The following CHSY3 variants were observed in gnomAD, a reference collection of about 807,000 sequenced individuals.
CHSY3 encodes the protein N-acetylgalactosaminyl-proteoglycan 3-beta-glucuronosyltransferase 3.
CHSY3 carries 35 observed loss-of-function variants against 67.2 expected under a neutral mutation model. That is an observed-to-expected ratio of 0.52 (90% CI 0.40 to 0.69). The LOEUF (loss-of-function observed/expected upper bound fraction) is 0.69, where lower values mean the gene tolerates loss of function less well. Ranked by LOEUF, CHSY3 falls within the 30% of genes least tolerant of loss-of-function variation. CHSY3 has a pLI of 0.00. For synonymous variants in CHSY3, 474 were observed against 434.7 expected, an observed-to-expected ratio of 1.09 and a Z score of -1.12; for missense variants, 1,069 against 1,138.5, an observed-to-expected ratio of 0.94 and a Z score of 0.88.
chr5:129,999,500 G>A (rs762491178), intron 2 of CHSY3, among the ~76,000 whole-genome samples: 5 of 152,030 alleles, frequency 3.3e-5, no homozygotes, highest in Non-Finnish European at 7.4e-5. Flanking sequence ...CCTAAGAAAT[G>A]CAATGATTAC....
rs1231503297 is a variant in CHSY3 at position 130,087,764 on chromosome 5, A to T, written c.1087-96465A>T. 3.3e-5 allele frequency among the ~76,000 whole-genome samples: 5 copies of T among 152,070 alleles called. No homozygotes were observed. The South Asian group carries it at 1.0e-3, about 32-fold the overall frequency. On this transcript the variant is annotated intron_variant, in intron 2 of 2. Coordinates refer to ENST00000305031, the MANE Select transcript of CHSY3 (RefSeq NM_175856.5). ...CATTCCATGCTCATGGGTAGGAAAAATCAATATCATGAAAATGGCCATACC... is the reference window on the plus strand; with the variant it reads ...CATTCCATGCTCATGGGTAGGAAAATTCAATATCATGAAAATGGCCATACC...
intron 2 of CHSY3, among the ~76,000 whole-genome samples, chr5:130,020,457 ATATATTTTT>A (rs1395852364): frequency 4.4e-3 from 24 of 5,508 alleles, no homozygotes; most frequent in Admixed American, 0.01. Context: ...ATATATATAT[ATATATTTTT>A]TTTTTTTTTT....
At chr5:130,062,536 C>G (rs1765748393) in intron 2 of CHSY3, among the ~76,000 whole-genome samples, 1 of 151,996 alleles carries the variant, frequency 6.6e-6, no homozygotes. Context: ...CACATGTACC[C>G]CCTGAATATA....
At chr5:130,051,990 A>G (rs1765374311) in intron 2 of CHSY3, 1 of 151,890 alleles carries the variant, frequency 6.6e-6, no homozygotes, top group South Asian at 2.1e-4. Context: ...GGAATGTACT[A>G]AAATGATTAG....
At chr5:130,097,798 TG>T (rs1336046240) in intron 2 of CHSY3, among the ~76,000 whole-genome samples, 1 of 152,046 alleles carries the variant, frequency 6.6e-6, no homozygotes, top group Non-Finnish European at 1.5e-5. Flanking sequence ...GGTCAGGAAA[TG>T]GTAGCCATCC....
At chr5:130,086,947 A>G (rs1473438611) in intron 2 of CHSY3, among the ~76,000 whole-genome samples, 3 of 152,302 alleles carry the variant, frequency 2.0e-5, no homozygotes, top group Non-Finnish European at 4.4e-5. Context: ...TCCTTGATGA[A>G]CAGTGATGCA....
At chr5:129,986,256 A>T (rs1244857498) in intron 2 of CHSY3, among the ~76,000 whole-genome samples, 2 of 152,174 alleles carry the variant, frequency 1.3e-5, no homozygotes, top group African/African-American at 2.4e-5. Flanking sequence ...AATTTTAGCT[A>T]AAGCCTTTTC....
rs1400126482 is a variant in CHSY3 at position 130,186,075 on chromosome 5, T to A, written c.*284T>A. Reference sequence around the variant, plus strand: ...AGTTAAATCATAGCAATCAAATGACTTTTGAAACGCATTCATCACAAGAGA... The same window carrying A: ...AGTTAAATCATAGCAATCAAATGACATTTGAAACGCATTCATCACAAGAGA... On this transcript the variant is annotated 3_prime_UTR_variant, in exon 3 of 3. Transcript: ENST00000305031. The A allele has an allele frequency of 5.7e-6, 1 of 176,682 alleles. No homozygotes were observed. The highest frequency in any genetic ancestry group is 2.4e-5 in the African/African-American group (1 of 42,482). The allele number at this position is 176,682 out of a possible 1,614,324, so 10.9% of individuals were successfully genotyped here.
intron 2 of CHSY3, among the ~76,000 whole-genome samples, chr5:129,908,754 T>G (rs760310910): frequency 6.6e-6 from 1 of 152,186 alleles, no homozygotes; most frequent in Non-Finnish European, 1.5e-5. Flanking sequence ...TTATTTTATT[T>G]TATTTTGGTT....
chr5:130,041,354 G>A (rs1000140), intron 2 of CHSY3, among the ~76,000 whole-genome samples: 81,651 of 151,892 alleles, frequency 0.54, 22,357 homozygotes, highest in East Asian at 0.67. Flanking sequence ...CCAAGAGAGT[G>A]CTAACTCAGT....
At chr5:130,157,607 C>G (rs1270639479) in intron 2 of CHSY3, among the ~76,000 whole-genome samples, 1 of 152,190 alleles carries the variant, frequency 6.6e-6, no homozygotes, top group Non-Finnish European at 1.5e-5. Context: ...GTCAACCGAA[C>G]AGAGAGGCAC....
intron 2 of CHSY3, among the ~76,000 whole-genome samples, chr5:130,087,775 G>A (rs1483705980): frequency 6.6e-6 from 1 of 151,730 alleles, no homozygotes; most frequent in Non-Finnish European, 1.5e-5. Flanking sequence ...TCAATATCAT[G>A]AAAATGGCCA....
At chr5:129,912,672 C>T (rs1760605431) in intron 2 of CHSY3, among the ~76,000 whole-genome samples, 1 of 152,122 alleles carries the variant, frequency 6.6e-6, no homozygotes, top group Non-Finnish European at 1.5e-5. Flanking sequence ...TAGGCCAATC[C>T]AGATATCTTA....
At chr5:129,919,306 A>G (rs939858479) in intron 2 of CHSY3, among the ~76,000 whole-genome samples, 2 of 152,190 alleles carry the variant, frequency 1.3e-5, no homozygotes, top group African/African-American at 4.8e-5. Flanking sequence ...ATGCTGGGAT[A>G]AATGTGCAAA....
At position 129,908,263 on chromosome 5, in the gene CHSY3, G is replaced by T. The variant is rs371776468; in HGVS notation, c.989G>T (p.Gly330Val). 85 of 1,614,030 alleles carry T rather than the reference G, an allele frequency of 5.3e-5. No individual in the cohort carries two copies. The Admixed American group carries it at 1.0e-3, about 20-fold the overall frequency. The stretch of plus-strand genomic sequence containing the variant: ...CTCAGGAGGATGGTGCCACATATTG[G>T]TGAATGCCTTAGAGAAATGTACACG... ...EVLRRMVPHI[G>V]ECLREMYTTH... Residue 330 changes from glycine to valine, a missense_variant, in exon 2 of 3, where the codon GGT (glycine) becomes GTT (valine). Coordinates refer to ENST00000305031, the MANE Select transcript of CHSY3 (RefSeq NM_175856.5).
At chr5:130,099,894 A>T (rs1767171949) in intron 2 of CHSY3, among the ~76,000 whole-genome samples, 1 of 152,156 alleles carries the variant, frequency 6.6e-6, no homozygotes, top group Non-Finnish European at 1.5e-5. Context: ...TTGTTTCTAA[A>T]TGAGGCTCAT....
intron 2 of CHSY3, among the ~76,000 whole-genome samples, chr5:129,921,816 A>C (rs1760934354): frequency 1.3e-5 from 2 of 152,112 alleles, no homozygotes; most frequent in African/African-American, 2.4e-5. Context: ...CTGTCATCTC[A>C]GGCCTTTTAT....
intron 2 of CHSY3, among the ~76,000 whole-genome samples, chr5:130,110,554 A>G (rs183168556): frequency 6.6e-6 from 1 of 152,122 alleles, no homozygotes; most frequent in African/African-American, 2.4e-5. Context: ...TGCTGACAGT[A>G]TGTGAAGCCC....
intron 2 of CHSY3, among the ~76,000 whole-genome samples, chr5:130,044,976 T>TTTTTTG (rs1392313684): frequency 6.6e-6 from 1 of 152,032 alleles, no homozygotes; most frequent in Non-Finnish European, 1.5e-5. Flanking sequence ...GCATAAGTAG[T>TTTTTTG]TTTTTGTTTT....
Sources: gnomAD v4.1 joint callset for allele counts (sites outside exome capture counted in the v4.1 genomes callset) on GRCh38, gnomAD v4.1.1 for gene constraint, MANE v1.5 for transcripts, NCBI Gene and HGNC (gene_info 2026-07-23, HGNC 2026-07-21) for gene names.